Variants in ZFHX2 observed in about 807,000 individuals in gnomAD.
The protein encoded by ZFHX2 is zinc finger homeobox 2, also known as zinc finger homeobox protein 2.
In ZFHX2, 75 loss-of-function variants were observed where a neutral mutation model predicts 164.8. The observed-to-expected ratio is 0.46, with a 90% CI of 0.38 to 0.55. ZFHX2 has a LOEUF of 0.55. Ranked by LOEUF, ZFHX2 falls within the 20% of genes least tolerant of loss-of-function variation. The probability of loss-of-function intolerance (pLI) is 0.00; values close to 1 mark genes in which losing one functional copy is unlikely to be tolerated. For missense variants in ZFHX2, 2,933 were observed against 3,308.0 expected, an observed-to-expected ratio of 0.89 and a Z score of 2.78; for synonymous variants, 1,217 against 1,351.4, an observed-to-expected ratio of 0.90 and a Z score of 2.18.
chr14:23,543,927 G>C (rs984733766), intron 1 of ZFHX2: 5 of 152,092 alleles, frequency 3.3e-5, no homozygotes, highest in Admixed American at 2.0e-4. Flanking sequence ...AATGACCTCA[G>C]GTAAGTTGCG....
At chr14:23,554,149 C>T (rs113859781), upstream of ZFHX2, among the ~76,000 whole-genome samples, 276 of 152,042 alleles carry the variant, frequency 1.8e-3, 1 homozygote, top group African/African-American at 4.9e-3. Context: ...GGTCTGGCTC[C>T]GGAAACTGGT....
chr14:23,541,827 A>G (rs928531217), intron 1 of ZFHX2, among the ~76,000 whole-genome samples: 2 of 65,776 alleles, frequency 3.0e-5, no homozygotes, highest in African/African-American at 2.3e-4. Flanking sequence ...TCATTCTATC[A>G]TCTCTAAATC....
chr14:23,523,407 G>A lies in ZFHX2; in HGVS notation c.6535C>T (p.Arg2179Ter), dbSNP rs1194558534. The A allele has an allele frequency of 6.6e-7, 1 of 1,524,774 alleles. No homozygotes were observed. The highest frequency in any genetic ancestry group is 1.4e-5 in the African/African-American group (1 of 72,952). The allele number at this position is 1,524,774 out of a possible 1,614,324, so 94.5% of individuals were successfully genotyped here. A position where few individuals can be genotyped will look rare whatever the true frequency, so the allele number is the denominator to read the frequency against. The change falls in exon 9 of 10, where the codon CGA becomes TGA. Residue 2179 changes from arginine (R) to a stop codon, truncating the protein, a stop_gained. Coordinates refer to ENST00000419474, the MANE Select transcript of ZFHX2 (RefSeq NM_033400.3). LOFTEE classifies it high-confidence loss of function. This position sits in a 1 kb window ranked among gnomAD's most constrained non-coding sequence, Gnocchi z 4.1. ...TTGCTTTCACTCTTCAGCTGGGCTC[G>A]AACCGCCTCCTTGAGCTTGGCCAGG... is the stretch of plus-strand genomic sequence containing the variant. ...QHLAKLKEAVRAQLKSESKCY... is the reference protein window; with the variant it reads ...QHLAKLKEAV
In ZFHX2 at chr14:23,522,138, G is replaced by C; in HGVS notation, c.7543C>G (p.Arg2515Gly). The C allele has an allele frequency of 6.6e-7, 1 of 1,524,494 alleles. No homozygotes were observed. The allele number at this position is 1,524,494 out of a possible 1,614,324, so 94.4% of individuals were successfully genotyped here. ...SGREALASHL[R>G]SSAHRRKAAP... The stretch of plus-strand genomic sequence containing the variant: ...GCCTTGCGCCTGTGGGCCGAGGAGC[G>C]CAGGTGGGAGGCTAGGGCTTCACGC... The change falls in exon 10 of 10, where the codon CGC becomes GGC. Residue 2515 changes from arginine (R) to glycine (G), a missense_variant. Coordinates refer to ENST00000419474, the MANE Select transcript of ZFHX2 (RefSeq NM_033400.3).
chr14:23,528,886 C>A, intron 6 of ZFHX2: 10 of 961,304 alleles, frequency 1.0e-5, no homozygotes, highest in African/African-American at 1.8e-5. Context: ...GTGGCACAGG[C>A]CTGTGTGTCA....
Position 23,525,132 on chromosome 14 carries a change from C to G in ZFHX2, c.4810G>C (p.Glu1604Gln), listed in dbSNP as rs1878539688. 2.0e-6 allele frequency: 3 copies of G among 1,536,184 alleles called. No individual in the cohort carries two copies. The East Asian group carries it at 7.3e-5, about 38-fold the overall frequency. Reference protein sequence around the residue: ...GRRFSRTKFTEFQTQALQSFF... With the variant: ...GRRFSRTKFTQFQTQALQSFF... ...GACTGCAGGGCTTGGGTCTGGAACT[C>G]TGTGAACTTGGTTCTGGAGAACCGG... Residue 1604 changes from glutamate (E) to glutamine (Q), a missense_variant, in exon 9 of 10, where the codon GAG (glutamate) becomes CAG (glutamine). Coordinates refer to ENST00000419474, the MANE Select transcript of ZFHX2 (RefSeq NM_033400.3). The surrounding 1 kb of genome is among the most constrained non-coding windows in gnomAD (Gnocchi z 5.9).
chr14:23,531,641 G>T lies in ZFHX2; in HGVS notation c.2640C>A (p.Pro880=), dbSNP rs925288791. ...YHCLLCAWET[P]SRLAVLQHLR... is the part of the protein sequence containing the mutation. ...GGTGTTGCAGCACAGCCAAGCGGGAGGGTGTCTCCCACGCACACAACAGGC... is the reference window on the plus strand; with the variant it reads ...GGTGTTGCAGCACAGCCAAGCGGGATGGTGTCTCCCACGCACACAACAGGC... Residue 880 remains proline (P), a synonymous_variant, in exon 4 of 10, where the codon CCC becomes CCA. Coordinates refer to ENST00000419474, the MANE Select transcript of ZFHX2 (RefSeq NM_033400.3). The T allele has an allele frequency of 5.1e-5, 77 of 1,518,660 alleles. No homozygotes were observed. In the East Asian group the frequency reaches 1.9e-3, roughly 37 times the overall value. The allele number at this position is 1,518,660 out of a possible 1,614,324, so 94.1% of individuals were successfully genotyped here. A position where few individuals can be genotyped will look rare whatever the true frequency, so the allele number is the denominator to read the frequency against.
Position 23,546,321 on chromosome 14 carries a change from A to T in ZFHX2, c.-50+5022T>A, listed in dbSNP as rs1336202034. Reference sequence around the variant, plus strand: ...CTGTGTTCCTGCCAAATACAGAAAGAGGGCTCCTGTTCTCTCATTAGACTT... The same window carrying T: ...CTGTGTTCCTGCCAAATACAGAAAGTGGGCTCCTGTTCTCTCATTAGACTT... On this transcript the variant is annotated intron_variant, in intron 1 of 9. Transcript: ENST00000419474. The surrounding 1 kb of genome is among the most constrained non-coding windows in gnomAD (Gnocchi z 4.7). Among the ~76,000 whole-genome samples the T allele has an allele frequency of 6.6e-6, 1 of 152,188 alleles. No homozygotes were observed. Among genetic ancestry groups the T allele is most frequent in the Non-Finnish European group, 1.5e-5 (1 of 68,034 alleles).
rs752437411 is a variant in ZFHX2, at chr14:23,533,792, C to T, written c.1534G>A (p.Val512Ile). 1.4e-5 allele frequency: 21 copies of T among 1,552,158 alleles called. No individual in the cohort carries two copies. The highest frequency in any genetic ancestry group is 8.2e-5 in the South Asian group (7 of 85,524). ...TTGGTGGTTGTAGAGTAGTTGCAGA[C>T]GTCACAGCGGTAGGGTTTGTAGCCA... The part of the protein sequence containing the change: ...NCGYKPYRCD[V>I]CNYSTTTKGN... Residue 512 changes from valine to isoleucine, a missense_variant, in exon 2 of 10, where the codon GTC becomes ATC. Transcript: ENST00000419474. This position sits in a 1 kb window ranked among gnomAD's most constrained non-coding sequence, Gnocchi z 4.8.
At chr14:23,539,331 C>CA (rs1369281611) in intron 1 of ZFHX2, among the ~76,000 whole-genome samples, 165 of 151,770 alleles carry the variant, frequency 1.1e-3, no homozygotes, top group African/African-American at 3.8e-3. Flanking sequence ...GCCCTACAAA[C>CA]AAAAAAATAT....
rs950540552 is a variant in ZFHX2, at chr14:23,523,468, A to G, written c.6474T>C (p.Tyr2158=). Residue 2158 remains tyrosine, a synonymous_variant, in exon 9 of 10, where the codon TAT becomes TAC. Transcript: ENST00000419474. This position sits in a 1 kb window ranked among gnomAD's most constrained non-coding sequence, Gnocchi z 4.1. The part of the protein sequence containing the change: ...CPYCDVKYDF[Y]VSCRGHLFSR... ...AAAAGAGATGGCCTCGGCAGGAGAC[A>G]TAGAAATCATACTTGACATCACAAT... The G allele has an allele frequency of 3.0e-5, 46 of 1,536,158 alleles. No individual in the cohort carries two copies. In the East Asian group the frequency reaches 9.5e-4, roughly 32 times the overall value.
Position 23,523,074 on chromosome 14 carries a change from C to T in ZFHX2, c.6739+129G>A. ...CATGCCCCTTCCCTCCCTTCTTTCC[C>T]CCAAGAGCCTGATGCAAAGGAAGGC... is the stretch of plus-strand genomic sequence containing the variant. On this transcript the variant is annotated intron_variant, in intron 9 of 9. Coordinates refer to ENST00000419474, the MANE Select transcript of ZFHX2 (RefSeq NM_033400.3). The surrounding 1 kb of genome is among the most constrained non-coding windows in gnomAD (Gnocchi z 4.1). 7.1e-7 allele frequency: 1 copy of T among 1,403,758 alleles called. No homozygotes were observed. Among genetic ancestry groups the T allele is most frequent in the Non-Finnish European group, 9.2e-7 (1 of 1,083,942 alleles). 87.0% of individuals were successfully genotyped at this position (1,403,758 alleles called of 1,614,324 possible). A position where few individuals can be genotyped will look rare whatever the true frequency, so the allele number is the denominator to read the frequency against.
intron 1 of ZFHX2, among the ~76,000 whole-genome samples, chr14:23,549,314 C>T (rs904452341): frequency 1.3e-5 from 2 of 152,024 alleles, no homozygotes; most frequent in Non-Finnish European, 2.9e-5. Context: ...TTGCACCGAC[C>T]ACCCCTTTCT....
In ZFHX2 at chr14:23,529,711, G is replaced by A. The variant is rs1406332683; in HGVS notation, c.2933C>T (p.Thr978Met). 1.6e-5 allele frequency: 24 copies of A among 1,536,012 alleles called. No individual in the cohort carries two copies. The highest frequency in any genetic ancestry group is 1.9e-5 in the Non-Finnish European group (22 of 1,146,880). ...GPSRDSANQT[T>M]VYCCPYCSFL... ...CTTCCCAGTTACCCCAATTCTGACC[G>A]TGGTCTGGTTGGCACTGTCTCTGGA... Residue 978 changes from threonine to methionine, a missense_variant and splice_region_variant, in exon 6 of 10, where the codon ACG (threonine) becomes ATG (methionine). By Grantham distance (81) the Thr-to-Met change is moderately conservative (BLOSUM62 -1). Transcript: ENST00000419474.
At chr14:23,552,288 ATTTTTTTT>A (rs891218317), upstream of ZFHX2, among the ~76,000 whole-genome samples, 19 of 133,994 alleles carry the variant, frequency 1.4e-4, no homozygotes, top group African/African-American at 3.9e-4. Flanking sequence ...GTGCTCCTGA[ATTTTTTTT>A]TTTTTTTTTT....
chr14:23,549,834 A>G (rs1881782384), intron 1 of ZFHX2, among the ~76,000 whole-genome samples: 1 of 152,150 alleles, frequency 6.6e-6, no homozygotes, highest in African/African-American at 2.4e-5. Flanking sequence ...CACCTCTCCC[A>G]GCCCTTTGCT....
In ZFHX2 at chr14:23,522,592, G is replaced by C. The variant is rs1166409008; in HGVS notation, c.7089C>G (p.Gly2363=). 2.0e-6 allele frequency: 3 copies of C among 1,528,820 alleles called. No individual in the cohort carries two copies. In the Admixed American group the frequency reaches 6.0e-5, roughly 30 times the overall value. 94.7% of individuals were successfully genotyped at this position (1,528,820 alleles called of 1,614,324 possible). ...AGGTAPPAVF[G]PQLQGAYFQQ... is the part of the protein sequence containing the mutation. ...GGAAGTAGGCCCCCTGTAGCTGGGGGCCAAAGACAGCTGGCGGTGCTGTTC... is the reference window on the plus strand; with the variant it reads ...GGAAGTAGGCCCCCTGTAGCTGGGGCCCAAAGACAGCTGGCGGTGCTGTTC... The change falls in exon 10 of 10, where the codon GGC becomes GGG. Residue 2363 remains glycine, a synonymous_variant. Transcript: ENST00000419474.
intron 4 of ZFHX2, chr14:23,530,589 A>G (rs1879413128): frequency 5.0e-6 from 2 of 399,890 alleles, no homozygotes; most frequent in East Asian, 6.4e-5. Context: ...TGCTGCAGTG[A>G]GCAGGAAGTG....
In ZFHX2 at chr14:23,528,716, T is replaced by G. The variant is rs1048203294; in HGVS notation, c.2935-912A>C. The G allele has an allele frequency of 1.5e-5, 15 of 985,426 alleles. No homozygotes were observed. In the African/African-American group the frequency reaches 1.9e-4, roughly 13 times the overall value. The allele number at this position is 985,426 out of a possible 1,614,324, so 61.0% of individuals were successfully genotyped here. A position where few individuals can be genotyped will look rare whatever the true frequency, so the allele number is the denominator to read the frequency against. On this transcript the variant is annotated intron_variant, in intron 6 of 9. Transcript: ENST00000419474. The stretch of plus-strand genomic sequence containing the variant: ...CTTTCTTTTTCCTTCTTCTTTTTCC[T>G]AATGTGAATAAACACCACAGCTCCC...
Sources: allele counts gnomAD v4.1 joint callset (sites outside exome capture counted in the v4.1 genomes callset), GRCh38; gene constraint gnomAD v4.1.1; non-coding constraint Gnocchi (gnomAD v3.1); transcripts MANE v1.5; gene names NCBI Gene and HGNC (gene_info 2026-07-23, HGNC 2026-07-21).